The following RABGAP1L variants were observed in gnomAD, a reference collection of about 807,000 sequenced individuals.
The protein encoded by RABGAP1L is RAB GTPase activating protein 1 like, also known as rab GTPase-activating protein 1-like.
Under a neutral mutation model 137.7 loss-of-function variants are expected in RABGAP1L, and 63 were observed. That is an observed-to-expected ratio of 0.46 (90% CI 0.37 to 0.56). The LOEUF is 0.56. Ranked by LOEUF, RABGAP1L falls within the 20% of genes least tolerant of loss-of-function variation. The pLI is 0.00. For missense variants in RABGAP1L, 1,095 were observed against 1,244.0 expected, an observed-to-expected ratio of 0.88 and a Z score of 1.80; for synonymous variants, 431 against 433.7, an observed-to-expected ratio of 0.99 and a Z score of 0.08.
chr1:174,432,230 AT>A (rs1281432857), intron 13 of RABGAP1L, among the ~76,000 whole-genome samples: 20 of 152,142 alleles, frequency 1.3e-4, no homozygotes, highest in Non-Finnish European at 2.4e-4. Flanking sequence ...CTATTCTTGC[AT>A]TAATTTGCTT....
intron 18 of RABGAP1L, among the ~76,000 whole-genome samples, chr1:174,760,391 A>G (rs762156323): frequency 2.0e-5 from 3 of 152,068 alleles, no homozygotes; most frequent in Admixed American, 6.5e-5. Context: ...CGTGTACTCA[A>G]TGTTTAGCTC....
intron 19 of RABGAP1L, among the ~76,000 whole-genome samples, chr1:174,919,699 AT>A (rs1183450838): frequency 6.6e-6 from 1 of 152,128 alleles, no homozygotes; most frequent in Non-Finnish European, 1.5e-5. Context: ...ACAAAAAAAA[AT>A]TAAAAAATTA....
chr1:174,628,931 T>C (rs547041014), intron 13 of RABGAP1L, among the ~76,000 whole-genome samples: 1 of 152,286 alleles, frequency 6.6e-6, no homozygotes, highest in East Asian at 1.9e-4. Context: ...CATATAAAAA[T>C]AAAATATCAT....
chr1:174,547,434 T>C (rs531970552), intron 13 of RABGAP1L, among the ~76,000 whole-genome samples: 169 of 152,264 alleles, frequency 1.1e-3, no homozygotes, highest in African/African-American at 3.8e-3. Flanking sequence ...CTAGGCAATG[T>C]AGCGAGACCT....
chr1:174,278,480 G>T, intron 9 of RABGAP1L, 133 bp from the exon 10 acceptor site: 1 of 662,522 alleles, frequency 1.5e-6, no homozygotes, highest in Non-Finnish European at 2.6e-6. Context: ...AATGTGAATA[G>T]AACAGTTAAA....
intron 13 of RABGAP1L, among the ~76,000 whole-genome samples, chr1:174,414,902 A>G (rs1650371501): frequency 6.8e-6 from 1 of 146,792 alleles, no homozygotes; most frequent in African/African-American, 2.5e-5. Flanking sequence ...GCCTTTTTCT[A>G]TCAAATAGAA....
intron 13 of RABGAP1L, among the ~76,000 whole-genome samples, chr1:174,445,187 T>C (rs1030331751): frequency 2.0e-5 from 3 of 152,116 alleles, no homozygotes; most frequent in Non-Finnish European, 2.9e-5. Context: ...CTGACATAAT[T>C]TGTAAATTAG....
intron 13 of RABGAP1L, among the ~76,000 whole-genome samples, chr1:174,443,124 A>T (rs2149236369): frequency 6.6e-6 from 1 of 152,056 alleles, no homozygotes; most frequent in Admixed American, 6.5e-5. Flanking sequence ...TCATGTCTTG[A>T]TGGACACTTA....
intron 18 of RABGAP1L, among the ~76,000 whole-genome samples, chr1:174,769,583 A>G (rs1685950645): frequency 6.6e-6 from 1 of 152,166 alleles, no homozygotes; most frequent in South Asian, 2.1e-4. Context: ...GGGAAAGGCT[A>G]TTATCATTTA....
intron 18 of RABGAP1L, among the ~76,000 whole-genome samples, chr1:174,790,210 A>C (rs1031767021): frequency 9.5e-5 from 13 of 136,196 alleles, no homozygotes; most frequent in Admixed American, 8.7e-4. Context: ...ACTTTGTCTC[A>C]AAAAAAAAAA....
chr1:174,598,594 A>T (rs927835160), intron 13 of RABGAP1L, among the ~76,000 whole-genome samples: 8 of 152,104 alleles, frequency 5.3e-5, no homozygotes, highest in African/African-American at 1.9e-4. Context: ...TTCAGTGTTG[A>T]TGCATATAAA....
chr1:174,376,500 C>T (rs928126159), intron 12 of RABGAP1L, among the ~76,000 whole-genome samples: 7 of 152,034 alleles, frequency 4.6e-5, no homozygotes, highest in Non-Finnish European at 7.4e-5. Context: ...TGCATGACTA[C>T]GTGGGACGTA....
intron 1 of RABGAP1L, among the ~76,000 whole-genome samples, chr1:174,187,346 G>A (rs972522401): frequency 2.0e-5 from 3 of 151,832 alleles, no homozygotes; most frequent in Non-Finnish European, 2.9e-5. Flanking sequence ...TGAAGGCAAG[G>A]GCCATCCATA....
rs554640739 is a variant in RABGAP1L, at chr1:174,252,741, T to G, written c.986+151T>G. ...AATACTTTCTCTACTTTAACTTAGA[T>G]GTAACTGGTTTCATTGAAAATCAAT... is the stretch of plus-strand genomic sequence containing the variant. On this transcript the variant is annotated intron_variant, in intron 7 of 25. Transcript: ENST00000681986. 17 of 1,238,034 alleles carry G rather than the reference T, an allele frequency of 1.4e-5. No homozygotes were observed. The South Asian group carries it at 2.7e-4, about 20-fold the overall frequency. 76.7% of individuals were successfully genotyped at this position (1,238,034 alleles called of 1,614,324 possible). A position where few individuals can be genotyped will look rare whatever the true frequency, so the allele number is the denominator to read the frequency against.
intron 13 of RABGAP1L, among the ~76,000 whole-genome samples, chr1:174,532,307 C>T (rs74651209): frequency 0.078 from 11,857 of 151,614 alleles, 648 homozygotes; most frequent in East Asian, 0.32. Context: ...CTCCCGGGTT[C>T]GAGCAAGTCT....
At chr1:174,742,359 A>G (rs1019988966) in intron 17 of RABGAP1L, among the ~76,000 whole-genome samples, 2 of 151,842 alleles carry the variant, frequency 1.3e-5, no homozygotes, top group African/African-American at 4.8e-5. Flanking sequence ...TCTACTAAAA[A>G]TACAAAAATT....
chr1:174,509,901 G>A (rs1197103888), intron 13 of RABGAP1L, among the ~76,000 whole-genome samples: 1 of 152,142 alleles, frequency 6.6e-6, no homozygotes, highest in Non-Finnish European at 1.5e-5. Flanking sequence ...TTCTACTTAT[G>A]TAACATCATC....
rs886134513 is a variant in RABGAP1L, at chr1:174,877,295, G to A, written c.2340+65335G>A. 3.3e-6 allele frequency: 3 copies of A among 918,182 alleles called. No homozygotes were observed. In the African/African-American group the frequency reaches 5.0e-5, roughly 15 times the overall value. 56.9% of individuals were successfully genotyped at this position (918,182 alleles called of 1,614,324 possible). ...GAAACCTCTTTTAGTTTCCTACTGG[G>A]GGTGAATTGCTAGCCAAGCCTGTGA... On this transcript the variant is annotated intron_variant, in intron 19 of 25. Coordinates refer to ENST00000681986, the MANE Select transcript of RABGAP1L (RefSeq NM_001366446.1).
At chr1:174,628,835 G>A (rs1673107802) in intron 13 of RABGAP1L, among the ~76,000 whole-genome samples, 1 of 151,916 alleles carries the variant, frequency 6.6e-6, no homozygotes. Context: ...AAAACTGGCA[G>A]GACTTAGGGA....
Sources: gnomAD v4.1 joint callset for allele counts (sites outside exome capture counted in the v4.1 genomes callset) on GRCh38, gnomAD v4.1.1 for gene constraint, MANE v1.5 for transcripts, NCBI Gene and HGNC (gene_info 2026-07-23, HGNC 2026-07-21) for gene names.